Variants in SHROOM2 observed in about 807,000 individuals in gnomAD.
The protein encoded by SHROOM2 is shroom family member 2, also known as protein Shroom2.
In SHROOM2, 33 loss-of-function variants were observed where a neutral mutation model predicts 75.9. That is an observed-to-expected ratio of 0.43 (90% confidence interval 0.33 to 0.58). The LOEUF (loss-of-function observed/expected upper bound fraction) is 0.58, where lower values mean the gene tolerates loss of function less well. Ranked by LOEUF, SHROOM2 falls within the 20% of genes least tolerant of loss-of-function variation. SHROOM2 has a pLI of 0.04. For synonymous variants in SHROOM2, 655 were observed against 663.6 expected (o/e 0.99, Z 0.20); for missense variants, 1,434 against 1,461.2 (o/e 0.98, Z 0.30).
intron 1 of SHROOM2, chrX:9,819,261 G>A: frequency 1.4e-6 from 1 of 725,824 alleles, no homozygotes; most frequent in South Asian, 2.6e-5. Context: ...CAGCTTATTG[G>A]CCTCCTGAGA....
intron 1 of SHROOM2, among the ~76,000 whole-genome samples, chrX:9,823,100 CCCTTCT>C (rs1211977616): frequency 9.8e-5 from 7 of 71,212 alleles, no homozygotes; most frequent in South Asian, 1.1e-3. Context: ...TCCTCCTTCT[CCCTTCT>C]CCTTCTCCTT....
intron 1 of SHROOM2, among the ~76,000 whole-genome samples, chrX:9,839,042 A>G (rs1003984438): frequency 9.0e-6 from 1 of 111,121 alleles, no homozygotes; most frequent in African/African-American, 3.3e-5. Context: ...AAACCAAGCA[A>G]GAGAGCTGGG....
chrX:9,915,373 G>A (rs1047099742), intron 5 of SHROOM2, among the ~76,000 whole-genome samples: 1 of 111,076 alleles, frequency 9.0e-6, no homozygotes, highest in African/African-American at 3.3e-5. Context: ...ACGCACAGGG[G>A]TAATAGCTTC....
chrX:9,933,286 T>C (rs906760903), intron 6 of SHROOM2, among the ~76,000 whole-genome samples: 1 of 111,394 alleles, frequency 9.0e-6, no homozygotes, highest in African/African-American at 3.3e-5. Flanking sequence ...GTATTTTTCA[T>C]GGTGTCCAGT....
intron 1 of SHROOM2, among the ~76,000 whole-genome samples, chrX:9,845,745 T>C (rs1221956702): frequency 9.2e-6 from 1 of 108,875 alleles, no homozygotes; most frequent in African/African-American, 3.4e-5. Context: ...TCCCTCTTCA[T>C]GAGTTGAGAA....
chrX:9,807,866 C>T (rs913500390), intron 1 of SHROOM2, among the ~76,000 whole-genome samples: 10 of 111,615 alleles, frequency 9.0e-5, no homozygotes, highest in African/African-American at 3.3e-4. Context: ...TTGACTGCTT[C>T]TGAAGTCTCT....
intron 5 of SHROOM2, among the ~76,000 whole-genome samples, chrX:9,901,558 G>GACTGGAGGGCTTTTT (rs1490507674): frequency 2.7e-5 from 3 of 112,152 alleles, no homozygotes; most frequent in Non-Finnish European, 5.6e-5. Flanking sequence ...GGCAAAACCT[G>GACTGGAGGGCTTTTT]ACTGGAGGGC....
At chrX:9,818,037 C>T (rs1039910482) in intron 1 of SHROOM2, among the ~76,000 whole-genome samples, 1 of 112,295 alleles carries the variant, frequency 8.9e-6, no homozygotes, top group African/African-American at 3.2e-5. Context: ...AAGCAAACTA[C>T]ATCTGCTCAC....
At chrX:9,894,259 T>C (rs955849972) in intron 3 of SHROOM2, 99 bp from the exon 4 acceptor site, 6 of 804,925 alleles carry the variant, frequency 7.5e-6, no homozygotes, top group African/African-American at 2.1e-5. Context: ...TTTGGCATTT[T>C]GGTATTTCCA....
rs748387247 is a variant in SHROOM2, at chrX:9,901,768, G to A, written c.2891+3478G>A. Among the ~76,000 whole-genome samples the A allele has an allele frequency of 4.4e-5, 5 of 112,418 alleles. No homozygotes were observed. The East Asian group carries it at 1.4e-3, about 31-fold the overall frequency. Reference sequence around the variant, plus strand: ...TGACTCTTAAACTCACATCACGGATGTATTTGTACACCTTCACTATTCCTT... The same window carrying A: ...TGACTCTTAAACTCACATCACGGATATATTTGTACACCTTCACTATTCCTT... On this transcript the variant is annotated intron_variant, in intron 5 of 9. Coordinates refer to ENST00000380913, the MANE Select transcript of SHROOM2 (RefSeq NM_001649.4).
chrX:9,919,887 CTCA>C (rs1360238019), intron 5 of SHROOM2, among the ~76,000 whole-genome samples: 2 of 111,288 alleles, frequency 1.8e-5, no homozygotes, highest in Non-Finnish European at 3.8e-5. Flanking sequence ...CTCAGTACAA[CTCA>C]TCAGACAGAC....
intron 1 of SHROOM2, among the ~76,000 whole-genome samples, chrX:9,804,640 C>T (rs767690497): frequency 4.5e-5 from 5 of 111,261 alleles, no homozygotes; most frequent in Non-Finnish European, 9.4e-5. Flanking sequence ...GTCAGAGGAG[C>T]GGCATCCTGA....
intron 5 of SHROOM2, among the ~76,000 whole-genome samples, chrX:9,908,144 C>G (rs1158558433): frequency 8.9e-6 from 1 of 112,645 alleles, no homozygotes; most frequent in Non-Finnish European, 1.9e-5. Flanking sequence ...TTTGCTTTGT[C>G]CAAGTAGAGG....
Position 9,935,527 on chromosome X carries a change from G to A in SHROOM2, c.3588-1607G>A, listed in dbSNP as rs377092670. On this transcript the variant is annotated intron_variant, in intron 6 of 9. Transcript: ENST00000380913. ...ACCTATCTAAATGGTATTTTCCACA[G>A]TTAGACTTTGTAAATTGTCTTCATG... is the stretch of plus-strand genomic sequence containing the variant. 7.2e-5 allele frequency among the ~76,000 whole-genome samples: 8 copies of A among 110,565 alleles called. No individual in the cohort carries two copies. In the East Asian group the frequency reaches 2.3e-3, roughly 31 times the overall value.
intron 1 of SHROOM2, among the ~76,000 whole-genome samples, chrX:9,858,655 A>G (rs2084085778): frequency 9.0e-6 from 1 of 110,947 alleles, no homozygotes; most frequent in Non-Finnish European, 1.9e-5. Context: ...TACAAAAACA[A>G]TTAGCCGGGT....
Position 9,894,745 on chromosome X carries a change from C to T in SHROOM2, c.837C>T (p.Gly279=). ...PPRVPGDSGK[G]PRPEYNAEPK... is the part of the protein sequence containing the mutation. The stretch of plus-strand genomic sequence containing the variant: ...GGGTCCCCGGTGACAGCGGCAAAGG[C>T]CCCAGGCCAGAGTACAATGCCGAGC... Residue 279 remains glycine (G), a synonymous_variant, in exon 4 of 10, where the codon GGC becomes GGT. Coordinates refer to ENST00000380913, the MANE Select transcript of SHROOM2 (RefSeq NM_001649.4). The T allele has an allele frequency of 8.3e-7, 1 of 1,211,363 alleles. No individual in the cohort carries two copies. The highest frequency in any genetic ancestry group is 1.7e-5 in the African/African-American group (1 of 57,989).
At chrX:9,872,685 CA>C (rs2084177695) in intron 1 of SHROOM2, among the ~76,000 whole-genome samples, 1 of 112,143 alleles carries the variant, frequency 8.9e-6, no homozygotes, top group African/African-American at 3.2e-5. Flanking sequence ...TCTTAACATA[CA>C]CGGCATGGTA....
intron 5 of SHROOM2, among the ~76,000 whole-genome samples, chrX:9,919,071 C>T (rs975119836): frequency 5.4e-5 from 6 of 111,817 alleles, no homozygotes; most frequent in African/African-American, 2.0e-4. Context: ...TTCCTTCTTT[C>T]CTGTTGACTC....
At chrX:9,938,317 C>T (rs1443979639) in intron 7 of SHROOM2, among the ~76,000 whole-genome samples, 1 of 111,812 alleles carries the variant, frequency 8.9e-6, no homozygotes, top group Non-Finnish European at 1.9e-5. Flanking sequence ...TTTGGCTGAC[C>T]GAGGTAGGCA....
Sources: allele counts gnomAD v4.1 joint callset (sites outside exome capture counted in the v4.1 genomes callset), GRCh38; gene constraint gnomAD v4.1.1; transcripts MANE v1.5; gene names NCBI Gene and HGNC (gene_info 2026-07-23, HGNC 2026-07-21).